The following TEX11 variants were observed in gnomAD, a reference collection of about 807,000 sequenced individuals.
The protein encoded by TEX11 is testis expressed 11, also known as testis-expressed protein 11.
TEX11 carries 7 observed loss-of-function variants against 84.4 expected under a neutral mutation model. The ratio of observed to expected loss-of-function variants is 0.08; its 90% CI spans 0.05 to 0.16. The LOEUF (loss-of-function observed/expected upper bound fraction) is 0.16, where lower values mean the gene tolerates loss of function less well. TEX11 is among the 10% of genes least tolerant of loss of function. The pLI is 1.00. For missense variants in TEX11, 551 were observed against 660.5 expected (o/e 0.83, Z 1.82); for synonymous variants, 264 against 222.8 (o/e 1.18, Z -1.64).
intron 13 of TEX11, among the ~76,000 whole-genome samples, chrX:70,701,857 A>G (rs1002970966): frequency 1.8e-5 from 2 of 111,634 alleles, no homozygotes; most frequent in African/African-American, 3.3e-5. Flanking sequence ...GGAGGAAGTA[A>G]CTGCAGATGT....
At chrX:70,616,455 C>A (rs1026665251) in intron 20 of TEX11, among the ~76,000 whole-genome samples, 21 of 110,908 alleles carry the variant, frequency 1.9e-4, no homozygotes, top group Non-Finnish European at 2.3e-4. Flanking sequence ...GATACACACA[C>A]AAAAAAACAA....
intron 9 of TEX11, among the ~76,000 whole-genome samples, chrX:70,762,666 G>A (rs1422698722): frequency 2.7e-5 from 3 of 110,760 alleles, no homozygotes; most frequent in Non-Finnish European, 5.7e-5. Flanking sequence ...ATCCCCCACC[G>A]CCGCTCCATG....
intron 20 of TEX11, among the ~76,000 whole-genome samples, chrX:70,621,988 G>A (rs1474191046): frequency 9.0e-6 from 1 of 110,792 alleles, no homozygotes; most frequent in East Asian, 2.8e-4. Flanking sequence ...GAGAAAAACT[G>A]CTTTTAAAAG....
At chrX:70,860,236 T>C (rs899786317) in intron 5 of TEX11, among the ~76,000 whole-genome samples, 4 of 111,617 alleles carry the variant, frequency 3.6e-5, no homozygotes, top group Admixed American at 1.9e-4. Flanking sequence ...TCATATTATA[T>C]ATGATACAGG....
At chrX:70,578,764 C>CTTTT (rs869110075) in intron 25 of TEX11, among the ~76,000 whole-genome samples, 25 of 50,147 alleles carry the variant, frequency 5.0e-4, no homozygotes, top group Admixed American at 8.3e-4. Flanking sequence ...AGTTGAACTT[C>CTTTT]TTTTTTTTTT....
intron 15 of TEX11, among the ~76,000 whole-genome samples, chrX:70,675,682 T>C (rs745680188): frequency 9.1e-6 from 1 of 110,291 alleles, no homozygotes; most frequent in East Asian, 2.8e-4. Context: ...CAGGCTGGAG[T>C]GCAGTGGCAC....
intron 9 of TEX11, among the ~76,000 whole-genome samples, chrX:70,779,473 A>C: frequency 9.1e-6 from 1 of 109,424 alleles, no homozygotes; most frequent in Admixed American, 9.9e-5. Context: ...AAAAAGAAAT[A>C]TCTCAAATAA....
chrX:70,653,926 C>T (rs2089835765), intron 16 of TEX11, among the ~76,000 whole-genome samples: 1 of 111,512 alleles, frequency 9.0e-6, no homozygotes, highest in Non-Finnish European at 1.9e-5. Context: ...GTGAAAGAAA[C>T]CTATTTGAAA....
chrX:70,750,931 AAAATATATATATATATAT>A (rs2090815744), intron 9 of TEX11, among the ~76,000 whole-genome samples: 4 of 21,993 alleles, frequency 1.8e-4, no homozygotes, highest in Non-Finnish European at 3.6e-4. Flanking sequence ...TAAAAAAAAA[AAAATATATATATATATAT>A]ATATATATAT....
At chrX:70,637,670 C>T (rs1397503380) in intron 17 of TEX11, among the ~76,000 whole-genome samples, 1 of 110,820 alleles carries the variant, frequency 9.0e-6, no homozygotes, top group Non-Finnish European at 1.9e-5. Context: ...AACAGAAAAC[C>T]AAATACTGCA....
chrX:70,708,872 C>T (rs1466673706), intron 13 of TEX11, among the ~76,000 whole-genome samples: 12 of 108,519 alleles, frequency 1.1e-4, no homozygotes, highest in African/African-American at 3.4e-4. Flanking sequence ...TACAATATAC[C>T]CATGTAACTA....
chrX:70,543,899 C>G (rs1322715315), intron 28 of TEX11, among the ~76,000 whole-genome samples: 2 of 112,320 alleles, frequency 1.8e-5, no homozygotes, highest in South Asian at 3.7e-4. Flanking sequence ...AAGCCCATTG[C>G]TCCTAGGCTA....
intron 17 of TEX11, among the ~76,000 whole-genome samples, chrX:70,639,511 C>A (rs1217985490): frequency 4.4e-5 from 5 of 112,377 alleles, no homozygotes; most frequent in Non-Finnish European, 3.8e-5. Context: ...GCAGACTTAA[C>A]TGTCCCTGTC....
At chrX:70,868,869 C>G (rs967586445) in intron 4 of TEX11, among the ~76,000 whole-genome samples, 1 of 108,208 alleles carries the variant, frequency 9.2e-6, no homozygotes, top group African/African-American at 3.4e-5. Context: ...CATACCCGGG[C>G]CTGTCAGCGG....
intron 7 of TEX11, among the ~76,000 whole-genome samples, chrX:70,839,435 T>TG (rs2091427801): frequency 8.9e-6 from 1 of 112,103 alleles, no homozygotes; most frequent in Non-Finnish European, 1.9e-5. Context: ...GGGCCCTGTC[T>TG]GTTAGAAGGA....
intron 16 of TEX11, among the ~76,000 whole-genome samples, chrX:70,661,011 T>C (rs753672452): frequency 1.1e-4 from 12 of 112,159 alleles, no homozygotes; most frequent in Non-Finnish European, 2.1e-4. Flanking sequence ...TCACTGAGGA[T>C]TGTTGGACAG....
chrX:70,725,207 A>C, intron 12 of TEX11, 55 bp downstream of exon 12: 5 of 839,350 alleles, frequency 6.0e-6, no homozygotes, highest in Non-Finnish European at 8.5e-6. Context: ...TCTTATATTT[A>C]ACAAATTGTA....
chrX:70,750,933 A>AAAAATATATATATATATATATAT (rs1390175136), intron 9 of TEX11, among the ~76,000 whole-genome samples: 1 of 28,198 alleles, frequency 3.5e-5, no homozygotes, highest in Non-Finnish European at 7.0e-5. Flanking sequence ...AAAAAAAAAA[A>AAAAATATATATATATATATATAT]ATATATATAT....
rs748966757 is a variant in TEX11 at position 70,608,727 on chromosome X, C to T, written c.1879+364G>A. On this transcript the variant is annotated intron_variant, in intron 22 of 29. Transcript: ENST00000374333. ...CTGCACTCCAGCCTGGGCGACAGAGCGAGACTCCATCTCAAAAAAAAAAAA... is the reference window on the plus strand; with the variant it reads ...CTGCACTCCAGCCTGGGCGACAGAGTGAGACTCCATCTCAAAAAAAAAAAA... 7.5e-3 allele frequency among the ~76,000 whole-genome samples: 642 copies of T among 86,032 alleles called. 4 individuals carry two copies. The highest frequency in any genetic ancestry group is 0.028 in the African/African-American group (615 of 22,181). 74.7% of individuals were successfully genotyped at this position (86,032 alleles called of 115,157 possible).
Sources: allele counts gnomAD v4.1 joint callset (sites outside exome capture counted in the v4.1 genomes callset), GRCh38; gene constraint gnomAD v4.1.1; transcripts MANE v1.5; gene names NCBI Gene and HGNC (gene_info 2026-07-23, HGNC 2026-07-21).